Variants in VPS53 observed in about 807,000 individuals in gnomAD.
VPS53 encodes VPS53 subunit of GARP complex, also known as vacuolar protein sorting-associated protein 53 homolog.
Under a neutral mutation model 107.0 loss-of-function variants are expected in VPS53, and 70 were observed. The observed-to-expected ratio is 0.65, with a 90% CI of 0.54 to 0.80. The LOEUF is 0.80. Ranked by LOEUF, VPS53 falls within the 30% of genes least tolerant of loss-of-function variation. The probability of loss-of-function intolerance (pLI) is 0.00; values close to 1 mark genes in which losing one functional copy is unlikely to be tolerated. For synonymous variants in VPS53, 409 were observed against 393.3 expected, an observed-to-expected ratio of 1.04 and a Z score of -0.47; for missense variants, 917 against 1,049.4, an observed-to-expected ratio of 0.87 and a Z score of 1.74.
intron 18 of VPS53, 178 bp downstream of exon 18, chr17:536,850 G>T: frequency 1.4e-6 from 1 of 712,034 alleles, no homozygotes; most frequent in Non-Finnish European, 2.3e-6. Flanking sequence ...TAACGAATGT[G>T]CCACTTTGTG....
intron 4 of VPS53, among the ~76,000 whole-genome samples, chr17:669,501 G>C (rs1971844304): frequency 6.6e-6 from 1 of 151,228 alleles, no homozygotes; most frequent in Non-Finnish European, 1.5e-5. Context: ...GCTGAGGCAT[G>C]AGAATCACTT....
chr17:656,340 T>G (rs1971186564), intron 5 of VPS53, among the ~76,000 whole-genome samples: 1 of 152,182 alleles, frequency 6.6e-6, no homozygotes, highest in African/African-American at 2.4e-5. Flanking sequence ...ATAAAACACC[T>G]ATCAGTCAGT....
Position 668,800 on chromosome 17 carries a change from G to A in VPS53, c.286-6905C>T, listed in dbSNP as rs150922567. On this transcript the variant is annotated intron_variant, in intron 4 of 21. Transcript: ENST00000437048. ...TTAGGTCTCACATATGAAGAAGTCT[G>A]CATGATCCTATCTCAGAGAAAGGGT... 1.6e-3 allele frequency among the ~76,000 whole-genome samples: 247 copies of A among 152,216 alleles called. 1 individual carries two copies. The highest frequency in any genetic ancestry group is 5.7e-3 in the African/African-American group (236 of 41,542).
rs1908349414 is a variant in VPS53 at position 516,863 on chromosome 17, A to G, written c.*2265T>C. On this transcript the variant is annotated 3_prime_UTR_variant, in exon 22 of 22. Transcript: ENST00000437048. ...CCCTGGCTGTGACCACCAACTGTGG[A>G]AAACAGCAGCTTGATAGCTCAATGC... 6.6e-6 allele frequency: 1 copy of G among 152,314 alleles called. No homozygotes were observed. Among genetic ancestry groups the G allele is most frequent in the African/African-American group, 2.4e-5 (1 of 41,476 alleles). 9.4% of individuals were successfully genotyped at this position (152,314 alleles called of 1,614,324 possible).
At chr17:688,267 CTGA>C (rs1257751370) in intron 4 of VPS53, among the ~76,000 whole-genome samples, 2 of 152,114 alleles carry the variant, frequency 1.3e-5, no homozygotes, top group African/African-American at 4.8e-5. Context: ...CTCACAAGAT[CTGA>C]TGGTTTTGTA....
chr17:639,320 A>T (rs911971157), intron 7 of VPS53, among the ~76,000 whole-genome samples: 10 of 152,150 alleles, frequency 6.6e-5, no homozygotes, highest in Non-Finnish European at 1.5e-4. Flanking sequence ...CCATTCGTCT[A>T]ATCTTTTTTC....
At chr17:591,329 G>A (rs956573722) in intron 12 of VPS53, among the ~76,000 whole-genome samples, 326 of 152,236 alleles carry the variant, frequency 2.1e-3, no homozygotes, top group African/African-American at 7.4e-3. Context: ...CAAAAAACCA[G>A]CTCCTGGATT....
rs1237063359 is a variant in VPS53 at position 515,252 on chromosome 17, TAG to T, written c.*3874_*3875del. On this transcript the variant is annotated 3_prime_UTR_variant, in exon 22 of 22. Transcript: ENST00000437048. The stretch of plus-strand genomic sequence containing the variant: ...GTACTCCTTTTACCTTATTATTTTT[TAG>T]AGAGTCTTGCTCCGTCACCCAGGCA... The T allele has an allele frequency of 1.3e-5, 2 of 152,144 alleles. No individual in the cohort carries two copies. Among genetic ancestry groups the T allele is most frequent in the Admixed American group, 6.6e-5 (1 of 15,264 alleles). 9.4% of individuals were successfully genotyped at this position (152,144 alleles called of 1,614,324 possible). A position where few individuals can be genotyped will look rare whatever the true frequency, so the allele number is the denominator to read the frequency against.
intron 4 of VPS53, among the ~76,000 whole-genome samples, chr17:695,239 G>T (rs1972916030): frequency 6.6e-6 from 1 of 152,148 alleles, no homozygotes; most frequent in Admixed American, 6.6e-5. Context: ...TAAAATGAGG[G>T]GAGGGGCCCA....
intron 13 of VPS53, among the ~76,000 whole-genome samples, chr17:569,920 A>T (rs953164059): frequency 7.2e-5 from 11 of 152,042 alleles, no homozygotes; most frequent in African/African-American, 2.7e-4. Context: ...AAAAAAAAGA[A>T]GAAAAATCAT....
intron 5 of VPS53, among the ~76,000 whole-genome samples, chr17:658,976 GGGACTTCCCCATCAAGC>G (rs1971332267): frequency 6.6e-6 from 1 of 151,926 alleles, no homozygotes; most frequent in Admixed American, 6.6e-5. Context: ...CTCTTTCATG[GGGACTTCCCCATCAAGC>G]CTTCTCTCCT....
chr17:521,924 C>T (rs906388504), intron 19 of VPS53, among the ~76,000 whole-genome samples, 186 bp from the exon 20 acceptor site: 1 of 152,064 alleles, frequency 6.6e-6, no homozygotes, highest in African/African-American at 2.4e-5. Flanking sequence ...GGAGAAACAA[C>T]ATCAAGGAGC....
intron 4 of VPS53, among the ~76,000 whole-genome samples, chr17:685,997 A>C (rs1972571377): frequency 6.6e-6 from 1 of 150,518 alleles, no homozygotes; most frequent in Non-Finnish European, 1.5e-5. Context: ...CTGGAGCGAG[A>C]CCCTGTCTCT....
At chr17:650,331 C>T (rs1970890395) in intron 7 of VPS53, among the ~76,000 whole-genome samples, 2 of 151,762 alleles carry the variant, frequency 1.3e-5, no homozygotes, top group Non-Finnish European at 1.5e-5. Context: ...CCCACCTCTA[C>T]AGAAAAATGT....
At chr17:648,073 G>GTGA (rs1970778350) in intron 7 of VPS53, among the ~76,000 whole-genome samples, 2 of 152,212 alleles carry the variant, frequency 1.3e-5, no homozygotes, top group South Asian at 2.1e-4. Flanking sequence ...AGACCAGGGA[G>GTGA]CCTCCAAGCC....
chr17:706,407 C>T (rs571391646), intron 2 of VPS53, among the ~76,000 whole-genome samples: 498 of 151,706 alleles, frequency 3.3e-3, no homozygotes, highest in Non-Finnish European at 5.1e-3. Flanking sequence ...CTTGGTGGCG[C>T]GTGTCTGTAA....
intron 5 of VPS53, chr17:657,443 G>GACTTGT: frequency 1.0e-6 from 1 of 982,552 alleles, no homozygotes; most frequent in Non-Finnish European, 1.6e-6. Context: ...TCAACTTGTG[G>GACTTGT]GGACTGGTGG....
chr17:699,402 G>A (rs1973112353), intron 2 of VPS53, 22 bp from the exon 3 acceptor site: 5 of 1,535,468 alleles, frequency 3.3e-6, no homozygotes, highest in East Asian at 2.5e-5. Context: ...AAGGAAGAGT[G>A]CCCAGCTGTT....
At chr17:588,363 C>A (rs1967444542) in intron 12 of VPS53, among the ~76,000 whole-genome samples, 1 of 152,008 alleles carries the variant, frequency 6.6e-6, no homozygotes, top group South Asian at 2.1e-4. Context: ...AACATAAGAT[C>A]TACCCTCTTG....
Sources: gnomAD v4.1 joint callset for allele counts (sites outside exome capture counted in the v4.1 genomes callset) on GRCh38, gnomAD v4.1.1 for gene constraint, MANE v1.5 for transcripts, NCBI Gene and HGNC (gene_info 2026-07-23, HGNC 2026-07-21) for gene names.